The following CCDC7 variants were observed in gnomAD, a reference collection of about 807,000 sequenced individuals.
CCDC7 encodes coiled-coil domain-containing protein 7.
CCDC7 carries 183 observed loss-of-function variants against 196.9 expected under a neutral mutation model. That is an observed-to-expected ratio of 0.93 (90% CI 0.82 to 1.05). The LOEUF (loss-of-function observed/expected upper bound fraction) is 1.05. Ranked by LOEUF, CCDC7 falls within the 50% of genes least tolerant of loss-of-function variation. The probability of loss-of-function intolerance (pLI) is 0.00; values close to 1 mark genes in which losing one functional copy is unlikely to be tolerated. For missense variants in CCDC7, 1,540 were observed against 1,482.2 expected (o/e 1.04, Z -0.64); for synonymous variants, 525 against 484.6 (o/e 1.08, Z -1.10).
At position 32,767,390 on chromosome 10, in the gene CCDC7, T is replaced by C. The variant is rs1405424056; in HGVS notation, c.2906-11587T>C. 3.3e-5 allele frequency among the ~76,000 whole-genome samples: 5 copies of C among 152,178 alleles called. No homozygotes were observed. The East Asian group carries it at 9.6e-4, about 29-fold the overall frequency. On this transcript the variant is annotated intron_variant, in intron 28 of 41. Transcript: ENST00000639629. ...AGATATATTTCAGGGAGCCAAGTGGTATAAAATGTGTTTTTCTAAACTATT... is the reference window on the plus strand; with the variant it reads ...AGATATATTTCAGGGAGCCAAGTGGCATAAAATGTGTTTTTCTAAACTATT...
intron 29 of CCDC7, among the ~76,000 whole-genome samples, chr10:32,799,402 A>G (rs907638956): frequency 6.6e-6 from 1 of 152,160 alleles, no homozygotes; most frequent in African/African-American, 2.4e-5. Context: ...AGCAGCTTGC[A>G]TAGCACCCTG....
At chr10:32,704,405 G>A (rs1041764247) in intron 24 of CCDC7, among the ~76,000 whole-genome samples, 1 of 152,112 alleles carries the variant, frequency 6.6e-6, no homozygotes, top group Non-Finnish European at 1.5e-5. Flanking sequence ...TGTGTGAGGT[G>A]TCAGTTTTTC....
chr10:32,757,568 C>G (rs2076676942), intron 28 of CCDC7, among the ~76,000 whole-genome samples: 1 of 152,146 alleles, frequency 6.6e-6, no homozygotes, highest in Admixed American at 6.5e-5. Context: ...AACAAAGATA[C>G]AACATACCAG....
At chr10:32,825,847 G>A (rs1381323786) in intron 32 of CCDC7, among the ~76,000 whole-genome samples, 1 of 152,186 alleles carries the variant, frequency 6.6e-6, no homozygotes. Context: ...TACTGTTAAA[G>A]TGAGGGCATT....
chr10:32,511,269 G>GGA, intron 9 of CCDC7: 1 of 474,092 alleles, frequency 2.1e-6, no homozygotes, highest in East Asian at 3.5e-5. Flanking sequence ...GGCGGGGGGG[G>GGA]CGGGGAAATG....
At chr10:32,692,604 C>G (rs1352580312) in intron 23 of CCDC7, among the ~76,000 whole-genome samples, 2 of 152,190 alleles carry the variant, frequency 1.3e-5, no homozygotes, top group Non-Finnish European at 2.9e-5. Flanking sequence ...TCCAGAAAGG[C>G]TTTGTGCTTC....
intron 20 of CCDC7, among the ~76,000 whole-genome samples, chr10:32,661,417 T>A (rs1421218690): frequency 1.3e-5 from 2 of 152,040 alleles, no homozygotes; most frequent in Admixed American, 6.6e-5. Context: ...AGTGTGGCAA[T>A]TTTTCCTCTG....
chr10:32,823,799 A>G (rs1178162399), intron 31 of CCDC7, among the ~76,000 whole-genome samples: 1 of 152,248 alleles, frequency 6.6e-6, no homozygotes, highest in African/African-American at 2.4e-5. Context: ...TAAATCACAT[A>G]AAACTCAAAT....
At chr10:32,802,872 T>G (rs1056911901) in intron 29 of CCDC7, among the ~76,000 whole-genome samples, 1 of 152,236 alleles carries the variant, frequency 6.6e-6, no homozygotes, top group Non-Finnish European at 1.5e-5. Flanking sequence ...CACATTCTTC[T>G]GCCTGCTTTT....
In CCDC7 at chr10:32,511,361, G is replaced by A. The variant is rs1015261840; in HGVS notation, c.873-6584G>A. 16 of 1,601,042 alleles carry A rather than the reference G, an allele frequency of 1.0e-5. No individual in the cohort carries two copies. In the South Asian group the frequency reaches 1.3e-4, roughly 13 times the overall value. The stretch of plus-strand genomic sequence containing the variant: ...ATTGGCAACTTTTGATGCATTTTTC[G>A]GTTTTGGTTCCCAGAGGGCATTTTT... On this transcript the variant is annotated intron_variant, in intron 9 of 41. Coordinates refer to ENST00000639629, the Ensembl canonical transcript of CCDC7.
chr10:32,620,690 T>C (rs934805946), intron 18 of CCDC7, among the ~76,000 whole-genome samples: 2 of 152,218 alleles, frequency 1.3e-5, no homozygotes, highest in African/African-American at 4.8e-5. Context: ...CATGGCTGAC[T>C]GAGCCAATCC....
chr10:32,760,073 A>G, intron 28 of CCDC7, among the ~76,000 whole-genome samples: 1 of 128,812 alleles, frequency 7.8e-6, no homozygotes, highest in South Asian at 2.4e-4. Flanking sequence ...TAGAATGGCT[A>G]TCACTAAAAA....
At chr10:32,838,183 G>T (rs1043496989) in intron 33 of CCDC7, among the ~76,000 whole-genome samples, 10 of 152,040 alleles carry the variant, frequency 6.6e-5, no homozygotes, top group Non-Finnish European at 1.5e-5. Context: ...TCACTGCCCA[G>T]ATTGCCAGAA....
At chr10:32,648,226 T>C (rs1281484469) in intron 20 of CCDC7, among the ~76,000 whole-genome samples, 1 of 152,206 alleles carries the variant, frequency 6.6e-6, no homozygotes, top group Non-Finnish European at 1.5e-5. Flanking sequence ...TTTTGGTTAT[T>C]GTGGCTTTAT....
intron 22 of CCDC7, among the ~76,000 whole-genome samples, chr10:32,686,889 C>T (rs138667303): frequency 3.7e-4 from 56 of 152,278 alleles, no homozygotes; most frequent in African/African-American, 1.3e-3. Context: ...GAGTCATCAA[C>T]GTCGTAGAAG....
At chr10:32,706,165 T>A (rs141841029) in intron 24 of CCDC7, among the ~76,000 whole-genome samples, 5,415 of 152,202 alleles carry the variant, frequency 0.036, 144 homozygotes, top group Non-Finnish European at 0.05. Flanking sequence ...ATTGAGAAAC[T>A]CTTTCAAAAC....
intron 22 of CCDC7, 22 bp from the exon 24 acceptor site, chr10:32,689,031 C>G: frequency 7.0e-7 from 1 of 1,420,798 alleles, no homozygotes; most frequent in Non-Finnish European, 9.9e-7. Flanking sequence ...ATTTAGCGGA[C>G]TAAACACATC....
intron 9 of CCDC7, among the ~76,000 whole-genome samples, chr10:32,501,016 G>A (rs192885779): frequency 3.9e-5 from 6 of 152,156 alleles, no homozygotes; most frequent in East Asian, 1.9e-4. Context: ...GCCTCCGCTC[G>A]GCATCAGAGG....
At chr10:32,478,877 G>C (rs553830063) in intron 8 of CCDC7, among the ~76,000 whole-genome samples, 1 of 152,146 alleles carries the variant, frequency 6.6e-6, no homozygotes, top group African/African-American at 2.4e-5. Context: ...ATAAAGAATT[G>C]GCATAATTTC....
Sources: allele counts gnomAD v4.1 joint callset (sites outside exome capture counted in the v4.1 genomes callset), GRCh38; gene constraint gnomAD v4.1.1; transcripts MANE v1.5; gene names NCBI Gene and HGNC (gene_info 2026-07-23, HGNC 2026-07-21).